Variants in CA8 observed in about 807,000 individuals in gnomAD.
The protein encoded by CA8 is carbonic anhydrase-related protein.
A neutral mutation model predicts 41.4 loss-of-function variants in CA8; 22 were observed. That is an observed-to-expected ratio of 0.53 (90% CI 0.38 to 0.76). The LOEUF (loss-of-function observed/expected upper bound fraction) is 0.76, where lower values mean the gene tolerates loss of function less well. CA8 is among the 30% of genes least tolerant of loss of function. The probability of loss-of-function intolerance (pLI) is 0.00; values close to 1 mark genes in which losing one functional copy is unlikely to be tolerated. For synonymous variants in CA8, 121 were observed against 130.6 expected, an observed-to-expected ratio of 0.93 and a Z score of 0.50; for missense variants, 270 against 352.8, an observed-to-expected ratio of 0.77 and a Z score of 1.88.
In CA8 at chr8:60,266,080, C is replaced by T. The variant is rs762193358; in HGVS notation, c.293-31G>A. 10 of 1,608,180 alleles carry T rather than the reference C, an allele frequency of 6.2e-6. 1 individual carries two copies. Among genetic ancestry groups the T allele is most frequent in the South Asian group, 4.4e-5 (4 of 90,528 alleles). ...AAAGAAAATATATGTTACCGAATTA[C>T]AGCACACATTTACCTCAGCATTATA... On this transcript the variant is annotated intron_variant, in intron 2 of 8. Coordinates refer to ENST00000317995, the MANE Select transcript of CA8 (RefSeq NM_004056.6).
At chr8:60,208,995 G>T in intron 7 of CA8, 76 bp from the exon 8 acceptor site, 2 of 1,413,428 alleles carry the variant, frequency 1.4e-6, no homozygotes, top group Non-Finnish European at 2.0e-6. Context: ...TAAATGACAT[G>T]CATAAAATAT....
intron 7 of CA8, among the ~76,000 whole-genome samples, chr8:60,221,249 G>A (rs565645606): frequency 6.6e-6 from 1 of 152,240 alleles, no homozygotes; most frequent in African/African-American, 2.4e-5. Flanking sequence ...ACTGGGTTGG[G>A]TTTCTTCCAT....
chr8:60,213,919 G>A (rs1411153975), intron 7 of CA8, among the ~76,000 whole-genome samples: 2 of 152,140 alleles, frequency 1.3e-5, no homozygotes, highest in Non-Finnish European at 2.9e-5. Context: ...TACATGTAAA[G>A]ACGAATGCAG....
At chr8:60,240,744 C>T (rs904628724) in intron 3 of CA8, among the ~76,000 whole-genome samples, 4 of 151,998 alleles carry the variant, frequency 2.6e-5, no homozygotes, top group Admixed American at 1.3e-4. Flanking sequence ...AAAAATCCAA[C>T]TATAGAAAAC....
At chr8:60,220,638 G>A (rs1807211137) in intron 7 of CA8, among the ~76,000 whole-genome samples, 1 of 152,180 alleles carries the variant, frequency 6.6e-6, no homozygotes, top group Non-Finnish European at 1.5e-5. Flanking sequence ...CTCCACTGCA[G>A]TGTTGCACTC....
At chr8:60,209,012 A>G (rs1310498807) in intron 7 of CA8, 93 bp from the exon 8 acceptor site, 13 of 1,284,968 alleles carry the variant, frequency 1.0e-5, no homozygotes, top group East Asian at 2.5e-5. Flanking sequence ...ATATGTATAA[A>G]TTACAAGAAT....
rs911123572 is a variant in CA8 at position 60,186,556 on chromosome 8, T to C, written c.*3465A>G. Among the ~76,000 whole-genome samples the C allele has an allele frequency of 3.3e-5, 5 of 151,366 alleles. No homozygotes were observed. Among genetic ancestry groups the C allele is most frequent in the Non-Finnish European group, 5.9e-5 (4 of 67,748 alleles). On this transcript the variant is annotated 3_prime_UTR_variant, in exon 9 of 9. Coordinates refer to ENST00000317995, the MANE Select transcript of CA8 (RefSeq NM_004056.6). ...AAAATGGCAGACACAAATCCAACTA[T>C]ATAAACAATAACATTAAGTGCAAAT... is the stretch of plus-strand genomic sequence containing the variant.
At chr8:60,197,149 A>G (rs931826724) in intron 8 of CA8, among the ~76,000 whole-genome samples, 1 of 152,190 alleles carries the variant, frequency 6.6e-6, no homozygotes, top group Non-Finnish European at 1.5e-5. Flanking sequence ...CTCATTTCTA[A>G]GAATTTTTTA....
At chr8:60,250,128 T>C (rs745367407) in intron 3 of CA8, among the ~76,000 whole-genome samples, 4 of 152,298 alleles carry the variant, frequency 2.6e-5, no homozygotes, top group African/African-American at 9.6e-5. Context: ...CCCCATGACA[T>C]TGGATAAAGA....
intron 4 of CA8, 64 bp from the exon 5 acceptor site, chr8:60,226,999 A>C (rs1807463501): frequency 8.5e-7 from 1 of 1,176,502 alleles, no homozygotes; most frequent in Admixed American, 1.7e-5. Flanking sequence ...TAACTAAAAA[A>C]AAACTAATAG....
At chr8:60,230,257 C>T (rs950585555) in intron 4 of CA8, among the ~76,000 whole-genome samples, 2 of 152,144 alleles carry the variant, frequency 1.3e-5, no homozygotes, top group African/African-American at 4.8e-5. Flanking sequence ...GAGATTAGTC[C>T]ACCTGCATAA....
At chr8:60,238,622 C>T (rs1402648401) in intron 3 of CA8, among the ~76,000 whole-genome samples, 1 of 152,130 alleles carries the variant, frequency 6.6e-6, no homozygotes, top group Non-Finnish European at 1.5e-5. Flanking sequence ...TCTCCTGGGC[C>T]CTGGCATTTA....
intron 3 of CA8, among the ~76,000 whole-genome samples, chr8:60,259,024 G>A (rs1297143006): frequency 2.0e-5 from 3 of 152,152 alleles, no homozygotes; most frequent in Non-Finnish European, 4.4e-5. Context: ...CCCACTGCAT[G>A]AAAAACTCCC....
chr8:60,280,000 C>T (rs541432962), intron 1 of CA8, 120 bp from the exon 2 acceptor site: 336 of 719,148 alleles, frequency 4.7e-4, no homozygotes, highest in Non-Finnish European at 6.8e-4. Flanking sequence ...GATACCATCA[C>T]TATACAGATG....
At chr8:60,217,708 A>G (rs1807070474) in intron 7 of CA8, among the ~76,000 whole-genome samples, 1 of 152,156 alleles carries the variant, frequency 6.6e-6, no homozygotes, top group Non-Finnish European at 1.5e-5. Context: ...TCATGGTAGA[A>G]AGCAATACCT....
intron 4 of CA8, among the ~76,000 whole-genome samples, chr8:60,230,297 C>G (rs1807597351): frequency 6.6e-6 from 1 of 152,154 alleles, no homozygotes; most frequent in Non-Finnish European, 1.5e-5. Flanking sequence ...CTTGCCTCCT[C>G]CAGGACTTTT....
intron 3 of CA8, among the ~76,000 whole-genome samples, chr8:60,245,528 T>C (rs538714221): frequency 6.6e-6 from 1 of 152,320 alleles, no homozygotes; most frequent in South Asian, 2.1e-4. Flanking sequence ...TTATTTCTAG[T>C]GCTAATTAAA....
chr8:60,278,826 G>T (rs1385069099), intron 2 of CA8, among the ~76,000 whole-genome samples: 1 of 152,154 alleles, frequency 6.6e-6, no homozygotes, highest in African/African-American at 2.4e-5. Flanking sequence ...ATAGTTTGAG[G>T]TATCAACTTT....
At position 60,279,706 on chromosome 8, in the gene CA8, A is replaced by G. The variant is rs1339365640; in HGVS notation, c.275T>C (p.Ile92Thr). 1.2e-6 allele frequency: 2 copies of G among 1,613,964 alleles called. No homozygotes were observed. The highest frequency in any genetic ancestry group is 3.3e-5 in the Admixed American group (2 of 60,036). Residue 92 changes from isoleucine to threonine, a missense_variant, in exon 2 of 9, where the codon ATC (isoleucine) becomes ACC (threonine). Around this residue, in one of 3 missense-constraint regions of CA8, gnomAD observed 123 missense variants for 136.8 expected, o/e 0.90. Transcript: ENST00000317995. Reference sequence around the variant, plus strand: ...TAAAATACCTGATTTTGACTTCAGGATAACCTGAATGGTATGTCCATCATT... The same window carrying G: ...TAAAATACCTGATTTTGACTTCAGGGTAACCTGAATGGTATGTCCATCATT... ...VTNDGHTIQV[I>T]LKSKSVLSGG... is the part of the protein sequence containing the mutation.
Sources: gnomAD v4.1 joint callset for allele counts (sites outside exome capture counted in the v4.1 genomes callset) on GRCh38, gnomAD v4.1.1 for gene constraint, gnomAD v4.1.1 regional missense constraint, MANE v1.5 for transcripts, NCBI Gene and HGNC (gene_info 2026-07-23, HGNC 2026-07-21) for gene names.